Variants in CCDC146 observed in about 807,000 individuals in gnomAD.
The protein encoded by CCDC146 is coiled-coil domain containing 146.
A neutral mutation model predicts 119.3 loss-of-function variants in CCDC146; 92 were observed. The observed-to-expected ratio is 0.77, with a 90% CI of 0.65 to 0.92. The LOEUF is 0.92. CCDC146 is among the 40% of genes least tolerant of loss of function. CCDC146 has a pLI of 0.00. For synonymous variants in CCDC146, 372 were observed against 371.8 expected (o/e 1.00, Z -0.01); for missense variants, 1,000 against 1,103.0 (o/e 0.91, Z 1.32).
At position 77,265,666 on chromosome 7, in the gene CCDC146, T is replaced by G. The variant is rs371536417; in HGVS notation, c.1173+3359T>G. On this transcript the variant is annotated intron_variant, in intron 9 of 18. Coordinates refer to ENST00000285871, the MANE Select transcript of CCDC146 (RefSeq NM_020879.3). ...CACAATGTAATCCTACTACTTCCACTTCTAGTTAAAATAGAAAACATTGTG... is the reference window on the plus strand; with the variant it reads ...CACAATGTAATCCTACTACTTCCACGTCTAGTTAAAATAGAAAACATTGTG... Among the ~76,000 whole-genome samples the G allele has an allele frequency of 3.9e-5, 6 of 152,340 alleles. No homozygotes were observed. In the East Asian group the frequency reaches 1.2e-3, roughly 29 times the overall value.
intron 1 of CCDC146, among the ~76,000 whole-genome samples, chr7:77,126,692 G>T (rs1485453898): frequency 6.6e-6 from 1 of 152,078 alleles, no homozygotes; most frequent in East Asian, 1.9e-4. Flanking sequence ...TCTGCAGCTG[G>T]TCCTTGTGTA....
Position 77,196,205 on chromosome 7 carries a change from G to C in CCDC146, c.156+28381G>C. 9.6e-7 allele frequency: 1 copy of C among 1,043,074 alleles called. No homozygotes were observed. Among genetic ancestry groups the C allele is most frequent in the Non-Finnish European group, 1.4e-6 (1 of 716,684 alleles). 64.6% of individuals were successfully genotyped at this position (1,043,074 alleles called of 1,614,324 possible). On this transcript the variant is annotated intron_variant, in intron 2 of 18. Transcript: ENST00000285871. The surrounding 1 kb of genome is among the most constrained non-coding windows in gnomAD (Gnocchi z 4.2). Reference sequence around the variant, plus strand: ...TTTAGCTATGAAAAATATGAAACAAGGCATATTCTAAAGTGCTGAAGGAAT... The same window carrying C: ...TTTAGCTATGAAAAATATGAAACAACGCATATTCTAAAGTGCTGAAGGAAT...
At chr7:77,253,794 G>T (rs571167481) in intron 4 of CCDC146, among the ~76,000 whole-genome samples, 1 of 152,180 alleles carries the variant, frequency 6.6e-6, no homozygotes, top group African/African-American at 2.4e-5. Context: ...ATGAGAAGAT[G>T]ATATCGGTAC....
At chr7:77,243,931 T>G (rs1479775552) in intron 4 of CCDC146, among the ~76,000 whole-genome samples, 1 of 152,128 alleles carries the variant, frequency 6.6e-6, no homozygotes, top group East Asian at 1.9e-4. Context: ...CAGGCTGGAG[T>G]GCAGTAGTGC....
At chr7:77,235,781 C>A (rs141180441) in intron 2 of CCDC146, among the ~76,000 whole-genome samples, 1 of 152,216 alleles carries the variant, frequency 6.6e-6, no homozygotes, top group Non-Finnish European at 1.5e-5. Context: ...TCAATAAGCA[C>A]TTTAGAGGTA....
chr7:77,212,420 G>A (rs1409323754), intron 2 of CCDC146, among the ~76,000 whole-genome samples: 1 of 151,942 alleles, frequency 6.6e-6, no homozygotes, highest in Non-Finnish European at 1.5e-5. Flanking sequence ...AGGAGATCGA[G>A]ACCATCCCGG....
chr7:77,254,638 A>C (rs1398895397), intron 5 of CCDC146, 75 bp downstream of exon 5: 6 of 813,758 alleles, frequency 7.4e-6, no homozygotes, highest in Non-Finnish European at 1.2e-5. Context: ...ATTAATGTTT[A>C]TCACAACCAC....
chr7:77,143,443 G>T (rs1790967399), intron 1 of CCDC146, among the ~76,000 whole-genome samples: 1 of 151,492 alleles, frequency 6.6e-6, no homozygotes, highest in African/African-American at 2.4e-5. Flanking sequence ...TATCAATTTT[G>T]GCTTTTGTTG....
chr7:77,208,814 C>A (rs1792125899), intron 2 of CCDC146, among the ~76,000 whole-genome samples: 1 of 152,182 alleles, frequency 6.6e-6, no homozygotes, highest in Non-Finnish European at 1.5e-5. Flanking sequence ...CTCCAACAAT[C>A]CTCCCACCTC....
intron 1 of CCDC146, among the ~76,000 whole-genome samples, chr7:77,163,459 T>A (rs1161738513): frequency 1.3e-5 from 2 of 151,730 alleles, no homozygotes; most frequent in Non-Finnish European, 2.9e-5. Context: ...AAAAAAAAAA[T>A]ACACATATAT....
At chr7:77,238,978 C>T (rs572540312) in intron 3 of CCDC146, among the ~76,000 whole-genome samples, 1 of 149,964 alleles carries the variant, frequency 6.7e-6, no homozygotes, top group Non-Finnish European at 1.5e-5. Flanking sequence ...ACTCCCAATG[C>T]CTGATGGGTG....
At chr7:77,278,201 G>T (rs1793687181) in intron 11 of CCDC146, among the ~76,000 whole-genome samples, 1 of 152,100 alleles carries the variant, frequency 6.6e-6, no homozygotes, top group South Asian at 2.1e-4. Flanking sequence ...CACTCACCCA[G>T]TCCAGCTGTG....
At chr7:77,203,444 G>A (rs1319189031) in intron 2 of CCDC146, among the ~76,000 whole-genome samples, 1 of 152,120 alleles carries the variant, frequency 6.6e-6, no homozygotes, top group Non-Finnish European at 1.5e-5. Context: ...CAGAATAGAT[G>A]TGGATGTTAA....
intron 15 of CCDC146, among the ~76,000 whole-genome samples, chr7:77,286,587 C>T (rs1311402187): frequency 1.3e-5 from 2 of 152,118 alleles, no homozygotes; most frequent in African/African-American, 4.8e-5. Context: ...CTCATATGAT[C>T]GAATTATAGA....
At chr7:77,206,648 C>CATATAT (rs59790661) in intron 2 of CCDC146, among the ~76,000 whole-genome samples, 57 of 139,220 alleles carry the variant, frequency 4.1e-4, no homozygotes, top group East Asian at 1.8e-3. Flanking sequence ...AAGAAACATA[C>CATATAT]ATATATATAT....
intron 17 of CCDC146, among the ~76,000 whole-genome samples, chr7:77,292,616 CAAAAA>C (rs61250624): frequency 3.3e-5 from 3 of 90,014 alleles, no homozygotes; most frequent in Non-Finnish European, 2.5e-5. Context: ...GACTCAGTCT[CAAAAA>C]AAAAAAAAAA....
chr7:77,239,313 T>C lies in CCDC146; in HGVS notation c.239+2284T>C, dbSNP rs1392754786. Among the ~76,000 whole-genome samples the C allele has an allele frequency of 2.0e-5, 3 of 152,232 alleles. No homozygotes were observed. In the East Asian group the frequency reaches 5.8e-4, roughly 29 times the overall value. ...GATTTACAAAGTTTATTAGCATACATGAAAATTGAATTATAGGAGAATAAT... is the reference window on the plus strand; with the variant it reads ...GATTTACAAAGTTTATTAGCATACACGAAAATTGAATTATAGGAGAATAAT... On this transcript the variant is annotated intron_variant, in intron 3 of 18. Coordinates refer to ENST00000285871, the MANE Select transcript of CCDC146 (RefSeq NM_020879.3).
chr7:77,290,683 T>G (rs1793927754), intron 17 of CCDC146, among the ~76,000 whole-genome samples: 1 of 151,864 alleles, frequency 6.6e-6, no homozygotes, highest in African/African-American at 2.4e-5. Flanking sequence ...ACTGAAGTTT[T>G]TAGTGGTAGT....
chr7:77,275,787 G>C (rs1793623489), intron 11 of CCDC146, among the ~76,000 whole-genome samples: 1 of 152,156 alleles, frequency 6.6e-6, no homozygotes, highest in Non-Finnish European at 1.5e-5. Context: ...TGGTAAGGCA[G>C]CACTCCTGTC....
Sources: gnomAD v4.1 joint callset for allele counts (sites outside exome capture counted in the v4.1 genomes callset) on GRCh38, gnomAD v4.1.1 for gene constraint, Gnocchi (gnomAD v3.1) non-coding constraint, MANE v1.5 for transcripts, NCBI Gene and HGNC (gene_info 2026-07-23, HGNC 2026-07-21) for gene names.